The following TENM2 variants were observed in gnomAD, a reference collection of about 807,000 sequenced individuals.
TENM2 encodes the protein teneurin transmembrane protein 2, also known as teneurin-2.
In TENM2, 52 loss-of-function variants were observed where a neutral mutation model predicts 245.2. That is an observed-to-expected ratio of 0.21 (90% CI 0.17 to 0.27). The LOEUF is 0.27. Among genes scored for constraint, TENM2 ranks in the 10% least tolerant of loss-of-function variants. The pLI is 1.00. For missense variants in TENM2, 3,046 were observed against 3,666.8 expected, an observed-to-expected ratio of 0.83 and a Z score of 4.37; for synonymous variants, 1,363 against 1,438.9, an observed-to-expected ratio of 0.95 and a Z score of 1.19.
At chr5:167,623,375 A>G (rs1250921222) in intron 2 of TENM2, among the ~76,000 whole-genome samples, 1 of 152,174 alleles carries the variant, frequency 6.6e-6, no homozygotes, top group Non-Finnish European at 1.5e-5. Context: ...ATTTCAAAAA[A>G]CACATAATAA....
intron 2 of TENM2, among the ~76,000 whole-genome samples, chr5:167,668,695 C>G (rs1376895882): frequency 6.6e-6 from 1 of 152,312 alleles, no homozygotes; most frequent in Middle Eastern, 3.4e-3. Flanking sequence ...TGGCTCAAAA[C>G]TGTAATCCCA....
chr5:167,145,396 G>C, the TENM2 span, among the ~76,000 whole-genome samples: 1 of 152,156 alleles, frequency 6.6e-6, no homozygotes, highest in Non-Finnish European at 1.5e-5. Context: ...CAGCTTCACA[G>C]ATAATGTATG....
chr5:167,626,153 A>G (rs1778486649), intron 2 of TENM2, among the ~76,000 whole-genome samples: 1 of 152,268 alleles, frequency 6.6e-6, no homozygotes, highest in East Asian at 1.9e-4. Context: ...AGCATATTTA[A>G]AAACTACTAC....
At chr5:167,426,436 A>G (rs1049806959) in intron 2 of TENM2, among the ~76,000 whole-genome samples, 5 of 151,446 alleles carry the variant, frequency 3.3e-5, no homozygotes, top group African/African-American at 9.7e-5. Flanking sequence ...AATTGTCAAG[A>G]CACCGTTCAT....
In TENM2 at chr5:168,190,296, C is replaced by G. The variant is rs1554218511; in HGVS notation, c.2570-41C>G. On this transcript the variant is annotated intron_variant, in intron 13 of 28. Transcript: ENST00000518659. The stretch of plus-strand genomic sequence containing the variant: ...TTAGTGTCTCCAAACAGCTTTATGC[C>G]ATGAAATCTGCTGACTCTGGCTCTG... The G allele has an allele frequency of 9.1e-6, 14 of 1,534,444 alleles. No homozygotes were observed. The South Asian group carries it at 1.6e-4, about 18-fold the overall frequency.
At chr5:168,074,539 G>A (rs975801697) in intron 7 of TENM2, among the ~76,000 whole-genome samples, 6 of 152,144 alleles carry the variant, frequency 3.9e-5, no homozygotes, top group Non-Finnish European at 8.8e-5. Context: ...TCTATTCTCT[G>A]CTGTGTCTCC....
chr5:167,665,474 A>C (rs1344334447), intron 2 of TENM2, among the ~76,000 whole-genome samples: 2 of 152,176 alleles, frequency 1.3e-5, no homozygotes, highest in African/African-American at 4.8e-5. Context: ...CTGTGAAAGA[A>C]TTTTAAATTT....
intron 2 of TENM2, among the ~76,000 whole-genome samples, chr5:167,474,187 C>T (rs574495419): frequency 6.6e-6 from 1 of 152,296 alleles, no homozygotes; most frequent in African/African-American, 2.4e-5. Context: ...CAAGTATTTA[C>T]TTACAGTCTA....
the TENM2 span, among the ~76,000 whole-genome samples, chr5:167,217,119 C>T: frequency 6.6e-6 from 1 of 152,084 alleles, no homozygotes; most frequent in South Asian, 2.1e-4. Flanking sequence ...AACTACTGAC[C>T]TTCAAGTGGT....
rs752837571 is a variant in TENM2 at position 167,698,660 on chromosome 5, GTGTTT to G, written c.503-177314_503-177310del. On this transcript the variant is annotated intron_variant, in intron 2 of 28. Coordinates refer to ENST00000518659, the Ensembl canonical transcript of TENM2. ...ATAAATAGTTTTTCTGTGTGTGTGT[GTGTTT>G]TGTTTTGTTTTTTGTTTTTTTTTTT... Among the ~76,000 whole-genome samples, 800 of 142,734 alleles carry G rather than the reference GTGTTT, an allele frequency of 5.6e-3. 4 individuals carry two copies. The highest frequency in any genetic ancestry group is 9.6e-3 in the Non-Finnish European group (632 of 65,824). 93.6% of individuals were successfully genotyped at this position (142,734 alleles called of 152,430 possible).
At chr5:168,092,269 A>G (rs1041284737) in intron 8 of TENM2, among the ~76,000 whole-genome samples, 1 of 152,236 alleles carries the variant, frequency 6.6e-6, no homozygotes, top group African/African-American at 2.4e-5. Context: ...CTAAGCAAAG[A>G]CTGACCCTAT....
chr5:167,956,613 A>G (rs1761806218), intron 4 of TENM2, among the ~76,000 whole-genome samples: 1 of 152,192 alleles, frequency 6.6e-6, no homozygotes, highest in African/African-American at 2.4e-5. Context: ...TGGGTCTGTC[A>G]TAAATAACTC....
At chr5:167,119,489 G>T in the TENM2 span, 2 of 152,270 alleles carry the variant, frequency 1.3e-5, no homozygotes, top group Non-Finnish European at 2.9e-5. Flanking sequence ...AGGCGGAAAA[G>T]TCTAGGATCA....
rs185932617 is a variant in TENM2, at chr5:167,887,780, C to T, written c.712+11585C>T. On this transcript the variant is annotated intron_variant, in intron 3 of 28. Transcript: ENST00000518659. Reference sequence around the variant, plus strand: ...CTGGAGCTGCCCTAACAAAGTACCACGAACTAGGTGGCTGAAAACAACTGA... The same window carrying T: ...CTGGAGCTGCCCTAACAAAGTACCATGAACTAGGTGGCTGAAAACAACTGA... Among the ~76,000 whole-genome samples the T allele has an allele frequency of 5.3e-5, 8 of 152,284 alleles. No homozygotes were observed. The South Asian group carries it at 8.3e-4, about 16-fold the overall frequency.
intron 2 of TENM2, among the ~76,000 whole-genome samples, chr5:167,843,260 G>A (rs1769715684): frequency 6.6e-6 from 1 of 151,238 alleles, no homozygotes; most frequent in South Asian, 2.1e-4. Flanking sequence ...GGCATAAGAA[G>A]ATAGGGATCA....
chr5:167,556,052 A>G (rs1455229706), intron 2 of TENM2, among the ~76,000 whole-genome samples: 2 of 152,164 alleles, frequency 1.3e-5, no homozygotes, highest in Non-Finnish European at 2.9e-5. Context: ...TCCTATGAAC[A>G]TGTTAAATAT....
chr5:167,299,649 G>T (rs903307655), intron 1 of TENM2, among the ~76,000 whole-genome samples: 4 of 152,288 alleles, frequency 2.6e-5, no homozygotes, highest in East Asian at 1.9e-4. Context: ...CTGGTGTGTG[G>T]CGATTAGGCC....
intron 16 of TENM2, 128 bp downstream of exon 18, chr5:168,199,242 A>G: frequency 1.0e-6 from 1 of 988,038 alleles, no homozygotes. Context: ...AGCATAATAA[A>G]ATTTATAGCC....
chr5:167,607,729 A>T (rs1000411655), intron 2 of TENM2, among the ~76,000 whole-genome samples: 2 of 152,180 alleles, frequency 1.3e-5, no homozygotes, highest in Admixed American at 6.5e-5. Flanking sequence ...ATCAATATTT[A>T]CTGAGCAGAT....
Sources: gnomAD v4.1 joint callset for allele counts (sites outside exome capture counted in the v4.1 genomes callset) on GRCh38, gnomAD v4.1.1 for gene constraint, MANE v1.5 for transcripts, NCBI Gene and HGNC (gene_info 2026-07-23, HGNC 2026-07-21) for gene names.